The following CEP63 variants were observed in gnomAD, a reference collection of about 807,000 sequenced individuals.
CEP63 encodes the protein centrosomal protein of 63 kDa.
In CEP63, 84 loss-of-function variants were observed where a neutral mutation model predicts 89.1. The ratio of observed to expected loss-of-function variants is 0.94; its 90% CI spans 0.79 to 1.13. The LOEUF (loss-of-function observed/expected upper bound fraction) is 1.13. CEP63 is among the 50% of genes most tolerant of loss of function. CEP63 has a pLI of 0.00. For synonymous variants in CEP63, 267 were observed against 272.5 expected (o/e 0.98, Z 0.20); for missense variants, 838 against 813.3 (o/e 1.03, Z -0.37).
intron 6 of CEP63, among the ~76,000 whole-genome samples, chr3:134,540,454 T>A (rs919094983): frequency 2.6e-5 from 4 of 152,210 alleles, no homozygotes; most frequent in African/African-American, 9.6e-5. Flanking sequence ...ATTTACTGTA[T>A]CAGAGTACCT....
chr3:134,717,591 T>C, the CEP63 span, among the ~76,000 whole-genome samples: 1 of 152,188 alleles, frequency 6.6e-6, no homozygotes, highest in Non-Finnish European at 1.5e-5. Context: ...TAGAGGCCAG[T>C]AACATAGTGT....
At chr3:134,753,820 C>A in the CEP63 span, among the ~76,000 whole-genome samples, 2 of 152,202 alleles carry the variant, frequency 1.3e-5, no homozygotes, top group African/African-American at 2.4e-5. Flanking sequence ...GAACAGAGTT[C>A]TCTAGGCTCA....
At chr3:134,745,121 G>A in the CEP63 span, among the ~76,000 whole-genome samples, 1 of 151,936 alleles carries the variant, frequency 6.6e-6, no homozygotes, top group Non-Finnish European at 1.5e-5. Context: ...TCACCATCTA[G>A]CACTTCCCAC....
chr3:134,497,393 C>T (rs370547961), intron 2 of CEP63, among the ~76,000 whole-genome samples: 14 of 151,982 alleles, frequency 9.2e-5, no homozygotes, highest in Admixed American at 6.6e-4. Context: ...TTTTTAGAGA[C>T]GGGTGTCTCA....
chr3:134,485,991 GCCCC>G (rs5852785), upstream of CEP63: 1 of 938,130 alleles, frequency 1.1e-6, no homozygotes, highest in Non-Finnish European at 1.3e-6. Context: ...CTCCTGCCAC[GCCCC>G]CCCCCCCTCC....
the CEP63 span, among the ~76,000 whole-genome samples, chr3:134,694,192 C>A: frequency 2.0e-5 from 3 of 152,080 alleles, no homozygotes; most frequent in Non-Finnish European, 4.4e-5. Flanking sequence ...GGACTCCATG[C>A]TAATGACAAC....
At chr3:134,548,665 G>A (rs967595858) in intron 9 of CEP63, among the ~76,000 whole-genome samples, 7 of 71,366 alleles carry the variant, frequency 9.8e-5, no homozygotes, top group African/African-American at 4.1e-4. Context: ...TACATTTTTT[G>A]TTTTTACATT....
the CEP63 span, among the ~76,000 whole-genome samples, chr3:134,721,859 G>C: frequency 6.6e-6 from 1 of 151,930 alleles, no homozygotes; most frequent in African/African-American, 2.4e-5. Flanking sequence ...AAATATTGCT[G>C]GATTTAGTTT....
At chr3:134,644,132 C>G in the CEP63 span, among the ~76,000 whole-genome samples, 1 of 152,162 alleles carries the variant, frequency 6.6e-6, no homozygotes, top group Non-Finnish European at 1.5e-5. Context: ...GCCGAGCCTC[C>G]TGCTTCTTAA....
At chr3:134,736,180 T>TA in the CEP63 span, among the ~76,000 whole-genome samples, 1 of 152,090 alleles carries the variant, frequency 6.6e-6, no homozygotes, top group African/African-American at 2.4e-5. Context: ...ATGCGTATAT[T>TA]AAAAAATCCT....
At chr3:134,541,499 A>G (rs1464758328) in intron 6 of CEP63, among the ~76,000 whole-genome samples, 6 of 150,256 alleles carry the variant, frequency 4.0e-5, no homozygotes, top group East Asian at 2.0e-4. Flanking sequence ...TAAATGAACG[A>G]TACTAGCCAA....
At chr3:134,691,173 G>A in the CEP63 span, among the ~76,000 whole-genome samples, 2 of 152,144 alleles carry the variant, frequency 1.3e-5, no homozygotes, top group African/African-American at 2.4e-5. Context: ...TGGGTAACAC[G>A]ACAAAACCCT....
At chr3:134,769,566 T>A in the CEP63 span, among the ~76,000 whole-genome samples, 265 of 152,316 alleles carry the variant, frequency 1.7e-3, no homozygotes, top group Admixed American at 1.6e-3. Context: ...TGAAAATTAC[T>A]GGCCAGGTGC....
the CEP63 span, among the ~76,000 whole-genome samples, chr3:134,649,852 C>T: frequency 6.6e-6 from 1 of 152,184 alleles, no homozygotes; most frequent in Non-Finnish European, 1.5e-5. Flanking sequence ...ACAGAAGAAC[C>T]AAGGGCAGAG....
At chr3:134,664,254 G>A in the CEP63 span, among the ~76,000 whole-genome samples, 1 of 152,198 alleles carries the variant, frequency 6.6e-6, no homozygotes, top group African/African-American at 2.4e-5. Flanking sequence ...ATTCCCAAGT[G>A]AGTCACAGCT....
At chr3:134,697,362 C>T in the CEP63 span, among the ~76,000 whole-genome samples, 5 of 152,104 alleles carry the variant, frequency 3.3e-5, no homozygotes, top group East Asian at 5.8e-4. Context: ...AGGGTGTTTT[C>T]GATGGCAAGA....
At chr3:134,688,007 G>T in the CEP63 span, among the ~76,000 whole-genome samples, 1 of 152,222 alleles carries the variant, frequency 6.6e-6, no homozygotes, top group Non-Finnish European at 1.5e-5. Context: ...ACATTTTGTA[G>T]TTTCTGAAAA....
At chr3:134,724,066 G>A in the CEP63 span, among the ~76,000 whole-genome samples, 33,226 of 151,958 alleles carry the variant, frequency 0.22, 3,825 homozygotes, top group African/African-American at 0.29. Flanking sequence ...AGTGGGGTGA[G>A]ATTGCTATTA....
chr3:134,608,681 C>G, the CEP63 span: 8 of 1,613,946 alleles, frequency 5.0e-6, no homozygotes, highest in African/African-American at 1.1e-4. Context: ...TGGGTGGGCA[C>G]TCAGCATCCC....
Sources: gnomAD v4.1 joint callset for allele counts (sites outside exome capture counted in the v4.1 genomes callset) on GRCh38, gnomAD v4.1.1 for gene constraint, MANE v1.5 for transcripts, NCBI Gene and HGNC (gene_info 2026-07-23, HGNC 2026-07-21) for gene names.